The following USP15 variants were observed in gnomAD, a reference collection of about 807,000 sequenced individuals.
USP15 encodes ubiquitin specific peptidase 15.
USP15 carries 18 observed loss-of-function variants against 127.1 expected under a neutral mutation model. The ratio of observed to expected loss-of-function variants is 0.14; its 90% CI spans 0.10 to 0.21. The LOEUF is 0.21. USP15 is among the 10% of genes least tolerant of loss of function. USP15 has a pLI of 1.00. For synonymous variants in USP15, 364 were observed against 393.7 expected, an observed-to-expected ratio of 0.92 and a Z score of 0.89; for missense variants, 805 against 1,159.9, an observed-to-expected ratio of 0.69 and a Z score of 4.44.
intron 1 of USP15, among the ~76,000 whole-genome samples, chr12:62,267,567 A>G (rs2063227416): frequency 6.6e-6 from 1 of 152,030 alleles, no homozygotes; most frequent in Admixed American, 6.6e-5. Flanking sequence ...TTTTCCTCCA[A>G]GGAATGGAGA....
chr12:62,324,156 T>G (rs939689433), intron 5 of USP15, among the ~76,000 whole-genome samples: 3 of 152,046 alleles, frequency 2.0e-5, no homozygotes, highest in East Asian at 1.9e-4. Flanking sequence ...AAAAATATTT[T>G]TATTTGGAGT....
At chr12:62,344,515 G>A (rs1353614658) in intron 6 of USP15, among the ~76,000 whole-genome samples, 1 of 152,180 alleles carries the variant, frequency 6.6e-6, no homozygotes, top group East Asian at 1.9e-4. Context: ...TTTTCCAGGT[G>A]CACAGTGCAA....
intron 8 of USP15, among the ~76,000 whole-genome samples, chr12:62,361,612 T>C (rs2066318605): frequency 6.6e-6 from 1 of 152,014 alleles, no homozygotes; most frequent in South Asian, 2.1e-4. Flanking sequence ...GTATCAATTA[T>C]TATAATTATT....
rs940212104 is a variant in USP15 at position 62,411,514 on chromosome 12, C to T, written c.*7139C>T. On this transcript the variant is annotated 3_prime_UTR_variant, in exon 22 of 22. Transcript: ENST00000280377. ...CATAACTTCGTAACACATTTAGAAC[C>T]TTTGCCTTCAGCTGACATGAATTAT... is the stretch of plus-strand genomic sequence containing the variant. 2.0e-5 allele frequency: 3 copies of T among 152,164 alleles called. No individual in the cohort carries two copies. The highest frequency in any genetic ancestry group is 2.4e-5 in the African/African-American group (1 of 41,446). 9.4% of individuals were successfully genotyped at this position (152,164 alleles called of 1,614,324 possible).
Position 62,322,765 on chromosome 12 carries a change from A to G in USP15, c.621+1156A>G, listed in dbSNP as rs151249263. ...TTAAGTCCAGGCACTTTAAGCCAGC[A>G]TGCAAGTTATGGTTTAACCTTGTAC... On this transcript the variant is annotated intron_variant, in intron 5 of 21. Coordinates refer to ENST00000280377, the MANE Select transcript of USP15 (RefSeq NM_001252078.2). 3.9e-4 allele frequency among the ~76,000 whole-genome samples: 59 copies of G among 152,280 alleles called. No homozygotes were observed. In the East Asian group the frequency reaches 6.0e-3, roughly 15 times the overall value.
intron 11 of USP15, among the ~76,000 whole-genome samples, chr12:62,386,469 CAG>C (rs2067152342): frequency 1.3e-5 from 2 of 152,006 alleles, no homozygotes; most frequent in African/African-American, 2.4e-5. Flanking sequence ...ATTGCTCTGA[CAG>C]GGTGCTGCAA....
chr12:62,330,355 G>A (rs1027210634), intron 6 of USP15, among the ~76,000 whole-genome samples: 5 of 149,296 alleles, frequency 3.3e-5, no homozygotes, highest in East Asian at 2.0e-4. Context: ...TTGGGAGGCC[G>A]AGGCAGGCAG....
Position 62,384,146 on chromosome 12 carries a change from T to C in USP15, c.1317T>C (p.His439=). 6.2e-7 allele frequency: 1 copy of C among 1,613,024 alleles called. No homozygotes were observed. Among genetic ancestry groups the C allele is most frequent in the South Asian group, 1.1e-5 (1 of 91,058 alleles). ...ATTCTATCATAGTAGATATATTTCA[T>C]GGCCTTTTCAAATCAACTTTAGTTT... The part of the protein sequence containing the change: ...RNDSIIVDIF[H]GLFKSTLVCP... The change falls in exon 11 of 22, where the codon CAT becomes CAC. Residue 439 remains histidine (H), a synonymous_variant. Transcript: ENST00000280377.
chr12:62,392,123 T>C (rs547844686), intron 17 of USP15, 149 bp from the exon 18 acceptor site: 2 of 681,464 alleles, frequency 2.9e-6, no homozygotes, highest in African/African-American at 3.7e-5. Context: ...ACAGGAATTA[T>C]TTAGAAGTAT....
At chr12:62,347,333 AGT>A (rs931304333) in intron 6 of USP15, among the ~76,000 whole-genome samples, 4 of 150,090 alleles carry the variant, frequency 2.7e-5, no homozygotes, top group Admixed American at 6.6e-5. Flanking sequence ...AGACATACAC[AGT>A]GTGTGTGTAT....
intron 1 of USP15, among the ~76,000 whole-genome samples, chr12:62,261,057 T>TC (rs2063039674): frequency 6.6e-6 from 1 of 152,112 alleles, no homozygotes; most frequent in African/African-American, 2.4e-5. Context: ...AACCCTAGTT[T>TC]CCAGTTCCTT....
intron 6 of USP15, among the ~76,000 whole-genome samples, chr12:62,342,847 G>A (rs2065689517): frequency 6.6e-6 from 1 of 152,174 alleles, no homozygotes; most frequent in Non-Finnish European, 1.5e-5. Context: ...ACCCCTGTTG[G>A]GAGGTCTCTC....
At chr12:62,371,242 C>A (rs971589159) in intron 8 of USP15, among the ~76,000 whole-genome samples, 2 of 152,140 alleles carry the variant, frequency 1.3e-5, no homozygotes, top group African/African-American at 4.8e-5. Context: ...TATTATGTTT[C>A]AAAACTCTTT....
chr12:62,294,529 ATTG>A, intron 2 of USP15: 1 of 374,158 alleles, frequency 2.7e-6, no homozygotes, highest in Non-Finnish European at 4.6e-6. Flanking sequence ...ATAAGGTTTT[ATTG>A]TTGTTTAAAC....
At chr12:62,386,760 A>G (rs2067161485) in intron 11 of USP15, among the ~76,000 whole-genome samples, 1 of 152,120 alleles carries the variant, frequency 6.6e-6, no homozygotes, top group African/African-American at 2.4e-5. Flanking sequence ...ACTATTAAGT[A>G]TAGATATTAT....
At chr12:62,285,354 T>C (rs144703603) in intron 1 of USP15, among the ~76,000 whole-genome samples, 4 of 152,320 alleles carry the variant, frequency 2.6e-5, no homozygotes, top group African/African-American at 9.6e-5. Context: ...TTTGATTTTG[T>C]ATTTCTGAAT....
At chr12:62,347,086 G>A (rs1459304204) in intron 6 of USP15, among the ~76,000 whole-genome samples, 1 of 152,060 alleles carries the variant, frequency 6.6e-6, no homozygotes, top group African/African-American at 2.4e-5. Context: ...TTTGAGGTCA[G>A]GAACTGTGTC....
chr12:62,385,232 T>G (rs533083357), intron 11 of USP15, among the ~76,000 whole-genome samples: 11 of 151,966 alleles, frequency 7.2e-5, no homozygotes, highest in Non-Finnish European at 1.5e-4. Context: ...CTACTAAGTA[T>G]AAAGCTCTTT....
At chr12:62,330,178 G>A (rs2065248658) in intron 6 of USP15, among the ~76,000 whole-genome samples, 1 of 151,988 alleles carries the variant, frequency 6.6e-6, no homozygotes, top group Non-Finnish European at 1.5e-5. Flanking sequence ...GATAATAGGA[G>A]GAAAGAGGAA....
Sources: allele counts gnomAD v4.1 joint callset (sites outside exome capture counted in the v4.1 genomes callset), GRCh38; gene constraint gnomAD v4.1.1; transcripts MANE v1.5; gene names NCBI Gene and HGNC (gene_info 2026-07-23, HGNC 2026-07-21).